TBC1D4: variants seen among roughly 807,000 people sequenced by gnomAD.
TBC1D4 encodes the protein TBC1 domain family member 4.
Under a neutral mutation model 142.5 loss-of-function variants are expected in TBC1D4, and 121 were observed. That is an observed-to-expected ratio of 0.85 (90% CI 0.73 to 0.99). The LOEUF (loss-of-function observed/expected upper bound fraction) is 0.99. Among genes scored for constraint, TBC1D4 ranks in the 50% least tolerant of loss-of-function variants. TBC1D4 has a pLI of 0.00. For synonymous variants in TBC1D4, 630 were observed against 628.2 expected (o/e 1.00, Z -0.04); for missense variants, 1,475 against 1,606.6 (o/e 0.92, Z 1.40).
At chr13:75,470,039 CAG>C (rs1289202202) in intron 1 of TBC1D4, among the ~76,000 whole-genome samples, 1 of 152,118 alleles carries the variant, frequency 6.6e-6, no homozygotes, top group Non-Finnish European at 1.5e-5. Context: ...TTTGGAATCC[CAG>C]ATCTGCCACT....
chr13:75,436,274 C>T (rs1211139783), intron 1 of TBC1D4, among the ~76,000 whole-genome samples: 1 of 152,040 alleles, frequency 6.6e-6, no homozygotes, highest in Non-Finnish European at 1.5e-5. Flanking sequence ...TTATAAATTA[C>T]CCAGTCTCGG....
intron 1 of TBC1D4, among the ~76,000 whole-genome samples, chr13:75,423,885 G>T (rs554921253): frequency 6.6e-6 from 1 of 152,332 alleles, no homozygotes; most frequent in South Asian, 2.1e-4. Flanking sequence ...AAGAAAAGAA[G>T]TTCTGGAGAC....
chr13:75,346,121 T>C (rs563820548), intron 5 of TBC1D4, among the ~76,000 whole-genome samples: 1 of 152,234 alleles, frequency 6.6e-6, no homozygotes, highest in African/African-American at 2.4e-5. Context: ...TTGGAAACTC[T>C]CTGCAACTTT....
At chr13:75,416,445 T>C (rs534919879) in intron 1 of TBC1D4, among the ~76,000 whole-genome samples, 43 of 152,342 alleles carry the variant, frequency 2.8e-4, no homozygotes, top group African/African-American at 1.0e-3. Flanking sequence ...CAGCTCTGTA[T>C]GATTTACAAA....
intron 1 of TBC1D4, among the ~76,000 whole-genome samples, chr13:75,439,081 A>T (rs908798327): frequency 2.6e-5 from 4 of 152,166 alleles, no homozygotes; most frequent in African/African-American, 9.7e-5. Flanking sequence ...TTCCCTTTAG[A>T]AGTTCTATAA....
intron 1 of TBC1D4, among the ~76,000 whole-genome samples, chr13:75,467,767 T>C (rs761821384): frequency 6.6e-6 from 1 of 152,218 alleles, no homozygotes; most frequent in Non-Finnish European, 1.5e-5. Flanking sequence ...GCTTGGTGCA[T>C]ATCTCAGTGG....
chr13:75,451,485 A>G (rs939407757), intron 1 of TBC1D4, among the ~76,000 whole-genome samples: 32 of 149,596 alleles, frequency 2.1e-4, no homozygotes, highest in African/African-American at 5.8e-4. Context: ...TAATATTTAT[A>G]ATACATATTT....
chr13:75,423,415 AT>A (rs1452567373), intron 1 of TBC1D4, among the ~76,000 whole-genome samples: 3 of 152,188 alleles, frequency 2.0e-5, no homozygotes, highest in African/African-American at 7.2e-5. Context: ...CTAACAACAG[AT>A]GGTTTGTTAG....
chr13:75,474,929 G>A (rs954880350), intron 1 of TBC1D4, among the ~76,000 whole-genome samples: 4 of 152,046 alleles, frequency 2.6e-5, no homozygotes, highest in Admixed American at 6.6e-5. Context: ...GAGCCACCAC[G>A]CCCGGCCCAT....
chr13:75,289,427 G>T (rs555836591), intron 19 of TBC1D4, among the ~76,000 whole-genome samples: 3 of 151,770 alleles, frequency 2.0e-5, no homozygotes, highest in African/African-American at 7.2e-5. Flanking sequence ...AAGTGTATTT[G>T]GCAGCTAAGA....
At chr13:75,299,258 T>C (rs944470600) in intron 17 of TBC1D4, 72 bp downstream of exon 17, 12 of 1,607,220 alleles carry the variant, frequency 7.5e-6, no homozygotes, top group Admixed American at 1.7e-5. Flanking sequence ...ATCTGAACTG[T>C]AATAATTGAG....
intron 1 of TBC1D4, among the ~76,000 whole-genome samples, chr13:75,446,020 G>A (rs867674084): frequency 6.6e-6 from 1 of 152,196 alleles, no homozygotes; most frequent in Non-Finnish European, 1.5e-5. Context: ...TTTGGAAACC[G>A]CTGGCCTAAC....
At chr13:75,451,151 C>G (rs1158119517) in intron 1 of TBC1D4, among the ~76,000 whole-genome samples, 5 of 152,126 alleles carry the variant, frequency 3.3e-5, no homozygotes, top group African/African-American at 1.2e-4. Flanking sequence ...TTTTCTCTGC[C>G]ACTAATTATG....
intron 1 of TBC1D4, among the ~76,000 whole-genome samples, chr13:75,448,137 T>C (rs1265642988): frequency 6.6e-6 from 1 of 152,178 alleles, no homozygotes; most frequent in Non-Finnish European, 1.5e-5. Flanking sequence ...GTGACTACTT[T>C]AATCACTCTT....
At chr13:75,355,001 G>C (rs534922) in intron 4 of TBC1D4, among the ~76,000 whole-genome samples, 28,882 of 152,182 alleles carry the variant, frequency 0.19, 2,835 homozygotes, top group Non-Finnish European at 0.21. Flanking sequence ...GAATAGGAAA[G>C]TGTTAGTGAT....
chr13:75,378,849 T>G (rs1883663289), intron 1 of TBC1D4, among the ~76,000 whole-genome samples: 1 of 152,134 alleles, frequency 6.6e-6, no homozygotes, highest in Non-Finnish European at 1.5e-5. Flanking sequence ...CATATCCAGC[T>G]GAAGAAAATA....
chr13:75,446,780 T>C (rs1449411066), intron 1 of TBC1D4, among the ~76,000 whole-genome samples: 3 of 152,188 alleles, frequency 2.0e-5, no homozygotes. Context: ...ATTTTAGAGG[T>C]AGCAAAACTA....
intron 1 of TBC1D4, among the ~76,000 whole-genome samples, chr13:75,439,794 CG>C (rs1451357367): frequency 4.6e-5 from 7 of 151,582 alleles, no homozygotes; most frequent in Admixed American, 1.3e-4. Context: ...CCCAGCTACT[CG>C]GGAGGCTGAG....
At chr13:75,477,849 G>A (rs1888682914) in intron 1 of TBC1D4, among the ~76,000 whole-genome samples, 1 of 152,196 alleles carries the variant, frequency 6.6e-6, no homozygotes, top group South Asian at 2.1e-4. Context: ...AAGTTTAGCT[G>A]AAATGTGCTA....
Sources: gnomAD v4.1 joint callset for allele counts (sites outside exome capture counted in the v4.1 genomes callset) on GRCh38, gnomAD v4.1.1 for gene constraint, MANE v1.5 for transcripts, NCBI Gene and HGNC (gene_info 2026-07-23, HGNC 2026-07-21) for gene names.